Variants in ZNF469 observed in about 807,000 individuals in gnomAD.
The protein encoded by ZNF469 is zinc finger protein 469.
Under a neutral mutation model 1.0 loss-of-function variants are expected in ZNF469, and 1 was observed. The observed-to-expected ratio is 1.00, with a 90% confidence interval of 0.35 to 4.73. The LOEUF is 4.73. Ranked by LOEUF, ZNF469 falls within the 30% of genes most tolerant of loss-of-function variation. ZNF469 has a pLI of 0.16. For synonymous variants in ZNF469, 2,703 were observed against 2,363.4 expected, an observed-to-expected ratio of 1.14 and a Z score of -4.17; for missense variants, 6,100 against 5,356.3, an observed-to-expected ratio of 1.14 and a Z score of -4.33.
chr16:88,372,593 CATT>C, the ZNF469 span, among the ~76,000 whole-genome samples: 2 of 151,860 alleles, frequency 1.3e-5, no homozygotes, highest in Non-Finnish European at 2.9e-5. Flanking sequence ...TCACCATCAT[CATT>C]ACCACCGTCA....
At chr16:88,317,122 C>A in the ZNF469 span, among the ~76,000 whole-genome samples, 1 of 152,226 alleles carries the variant, frequency 6.6e-6, no homozygotes, top group Admixed American at 6.5e-5. Context: ...AGCCCCCACC[C>A]CAGTTTGATG....
At chr16:88,284,373 C>T in the ZNF469 span, among the ~76,000 whole-genome samples, 2 of 152,174 alleles carry the variant, frequency 1.3e-5, no homozygotes, top group African/African-American at 4.8e-5. Context: ...ACCGAGGGAT[C>T]CTGGGGCATC....
chr16:88,381,591 G>A (rs1002764319), upstream of ZNF469, among the ~76,000 whole-genome samples: 1 of 152,236 alleles, frequency 6.6e-6, no homozygotes, highest in Non-Finnish European at 1.5e-5. Flanking sequence ...TGATTAACTC[G>A]AGAGGGTTTC....
At chr16:88,251,444 G>C in the ZNF469 span, among the ~76,000 whole-genome samples, 3 of 148,338 alleles carry the variant, frequency 2.0e-5, no homozygotes, top group South Asian at 6.8e-4. Context: ...TTCTTCTGAA[G>C]ATTGTTGCTT....
At chr16:88,368,564 G>A in the ZNF469 span, among the ~76,000 whole-genome samples, 1 of 151,966 alleles carries the variant, frequency 6.6e-6, no homozygotes, top group Non-Finnish European at 1.5e-5. Context: ...GCCTGGGAGA[G>A]CATAGCCCTG....
At position 88,437,932 on chromosome 16, in the gene ZNF469, G is replaced by A. The variant is rs781244140; in HGVS notation, c.10462G>A (p.Glu3488Lys). Reference sequence around the variant, plus strand: ...GCCCGGCAGTGCCCCTGGGCCCGGCGAGGACAGGCCTCCTCCCCGGGGAAG... The same window carrying A: ...GCCCGGCAGTGCCCCTGGGCCCGGCAAGGACAGGCCTCCTCCCCGGGGAAG... ...AMPGSAPGPGEDRPPPRGSSP... is the reference protein window; with the variant it reads ...AMPGSAPGPGKDRPPPRGSSP... Residue 3488 changes from glutamate (E) to lysine (K), a missense_variant, in exon 3 of 3, where the codon GAG becomes AAG. Physicochemically the swap from Glu to Lys is moderately conservative, Grantham distance 56. Coordinates refer to ENST00000565624, the MANE Select transcript of ZNF469 (RefSeq NM_001367624.2). 1.9e-4 allele frequency: 293 copies of A among 1,541,064 alleles called. 1 individual carries two copies. The highest frequency in any genetic ancestry group is 2.2e-4 in the Non-Finnish European group (249 of 1,142,660).
intron 1 of ZNF469, among the ~76,000 whole-genome samples, chr16:88,404,879 T>C (rs1532632): frequency 0.31 from 47,793 of 152,094 alleles, 8,296 homozygotes; most frequent in African/African-American, 0.47. Context: ...CAGGACACTT[T>C]TCAGCTTCAG....
the ZNF469 span, among the ~76,000 whole-genome samples, chr16:88,279,828 G>T: frequency 7.6e-5 from 11 of 143,830 alleles, no homozygotes; most frequent in Non-Finnish European, 1.2e-4. Flanking sequence ...AGATATCAGT[G>T]CACGGTTAGT....
chr16:88,132,104 A>T, the ZNF469 span, among the ~76,000 whole-genome samples: 1 of 151,994 alleles, frequency 6.6e-6, no homozygotes, highest in East Asian at 1.9e-4. Flanking sequence ...TCTCCTCTCC[A>T]TGTGTGGACA....
the ZNF469 span, among the ~76,000 whole-genome samples, chr16:88,323,543 G>A: frequency 8.5e-5 from 13 of 152,180 alleles, no homozygotes; most frequent in Non-Finnish European, 1.9e-4. Context: ...ATGGGAGGGA[G>A]GCCTCACTAT....
chr16:88,378,958 G>C (rs552269597), upstream of ZNF469, among the ~76,000 whole-genome samples: 1 of 152,340 alleles, frequency 6.6e-6, no homozygotes, highest in South Asian at 2.1e-4. Flanking sequence ...GTGCGGCCTT[G>C]CTCTCAAGGT....
At chr16:88,125,875 G>C in the ZNF469 span, among the ~76,000 whole-genome samples, 1 of 152,130 alleles carries the variant, frequency 6.6e-6, no homozygotes, top group Non-Finnish European at 1.5e-5. Flanking sequence ...ACCCTGCTTA[G>C]TTCTAGTTCT....
At chr16:88,226,079 C>T in the ZNF469 span, among the ~76,000 whole-genome samples, 5 of 152,154 alleles carry the variant, frequency 3.3e-5, no homozygotes, top group African/African-American at 1.2e-4. Context: ...GTCTGGGGGC[C>T]TTGGTCCATG....
At chr16:88,422,145 C>G (rs10451133) in intron 1 of ZNF469, among the ~76,000 whole-genome samples, 2 of 143,076 alleles carry the variant, frequency 1.4e-5, no homozygotes, top group African/African-American at 5.3e-5. Context: ...GATGGGTGAA[C>G]GGGTGGGTGG....
At chr16:88,407,056 G>T (rs557066814) in intron 1 of ZNF469, among the ~76,000 whole-genome samples, 1 of 152,282 alleles carries the variant, frequency 6.6e-6, no homozygotes, top group South Asian at 2.1e-4. Flanking sequence ...TATCTGAGAA[G>T]CCTGCCCTGA....
intron 1 of ZNF469, among the ~76,000 whole-genome samples, chr16:88,401,336 G>C (rs1173556645): frequency 6.6e-6 from 1 of 152,232 alleles, no homozygotes; most frequent in Non-Finnish European, 1.5e-5. Context: ...GCTTACTCCA[G>C]GACGCCACAG....
chr16:88,282,669 C>G, the ZNF469 span, among the ~76,000 whole-genome samples: 2 of 152,206 alleles, frequency 1.3e-5, no homozygotes, highest in Non-Finnish European at 2.9e-5. Flanking sequence ...AGCCGTTAAG[C>G]AGCTTTATGC....
chr16:88,375,602 C>A, the ZNF469 span, among the ~76,000 whole-genome samples: 2 of 152,256 alleles, frequency 1.3e-5, no homozygotes, highest in Admixed American at 6.5e-5. Context: ...ATCCTTCCCA[C>A]GTTTCCTTCC....
At chr16:88,244,990 C>T in the ZNF469 span, among the ~76,000 whole-genome samples, 2 of 151,794 alleles carry the variant, frequency 1.3e-5, no homozygotes, top group African/African-American at 4.8e-5. Flanking sequence ...ATCAGAAGAC[C>T]CATCGGAAGA....
Sources: gnomAD v4.1 joint callset for allele counts (sites outside exome capture counted in the v4.1 genomes callset) on GRCh38, gnomAD v4.1.1 for gene constraint, MANE v1.5 for transcripts, NCBI Gene and HGNC (gene_info 2026-07-23, HGNC 2026-07-21) for gene names.